CNTN6: variants seen among roughly 807,000 people sequenced by gnomAD.
CNTN6 encodes the protein contactin-6.
A neutral mutation model predicts 122.8 loss-of-function variants in CNTN6; 137 were observed. The observed-to-expected ratio is 1.12, with a 90% CI of 0.97 to 1.29. The LOEUF is 1.29. CNTN6 is among the 50% of genes most tolerant of loss of function. CNTN6 has a pLI of 0.00. For missense variants in CNTN6, 1,634 were observed against 1,223.4 expected (o/e 1.34, Z -5.01); for synonymous variants, 570 against 426.0 (o/e 1.34, Z -4.16).
At chr3:1,317,553 CTG>C (rs1186832560) in intron 7 of CNTN6, among the ~76,000 whole-genome samples, 1 of 151,782 alleles carries the variant, frequency 6.6e-6, no homozygotes, top group Non-Finnish European at 1.5e-5. Context: ...TTTCTTTCCT[CTG>C]TGTTAGTTTC....
chr3:1,214,536 C>T (rs1452747217), intron 2 of CNTN6, among the ~76,000 whole-genome samples: 1 of 151,768 alleles, frequency 6.6e-6, no homozygotes, highest in East Asian at 1.9e-4. Flanking sequence ...TCTCAAACTC[C>T]TAACCTCAGG....
At chr3:1,300,967 TAATC>T (rs1011962730) in intron 7 of CNTN6, among the ~76,000 whole-genome samples, 10 of 150,126 alleles carry the variant, frequency 6.7e-5, no homozygotes, top group Admixed American at 2.0e-4. Context: ...GTGATGGAAA[TAATC>T]AACGTATTAT....
At chr3:1,350,914 T>C (rs1223740102) in intron 11 of CNTN6, among the ~76,000 whole-genome samples, 2 of 151,934 alleles carry the variant, frequency 1.3e-5, no homozygotes, top group African/African-American at 4.8e-5. Flanking sequence ...TGGTGCATAA[T>C]AGAATAGTTT....
intron 4 of CNTN6, among the ~76,000 whole-genome samples, chr3:1,243,089 A>G (rs929841335): frequency 6.6e-6 from 1 of 152,198 alleles, no homozygotes; most frequent in South Asian, 2.1e-4. Flanking sequence ...TAAGCCGAGA[A>G]GATCTGGGAA....
intron 2 of CNTN6, among the ~76,000 whole-genome samples, chr3:1,158,801 TACACACATATATATAC>T (rs1458027798): frequency 6.8e-4 from 90 of 132,976 alleles, no homozygotes; most frequent in East Asian, 3.9e-3. Context: ...TGTATATATA[TACACACATATATATAC>T]ACACACATAT....
chr3:1,258,881 G>T (rs547072233), intron 4 of CNTN6, among the ~76,000 whole-genome samples: 1 of 152,092 alleles, frequency 6.6e-6, no homozygotes, highest in Non-Finnish European at 1.5e-5. Context: ...AAGGAGTGTT[G>T]GTTAAGAGAC....
At chr3:1,353,283 G>A (rs1705959925) in intron 12 of CNTN6, among the ~76,000 whole-genome samples, 1 of 151,640 alleles carries the variant, frequency 6.6e-6, no homozygotes, top group Non-Finnish European at 1.5e-5. Flanking sequence ...AGCATTTGGT[G>A]CTTTCTCATC....
intron 20 of CNTN6, among the ~76,000 whole-genome samples, chr3:1,388,481 C>T (rs1331764963): frequency 6.6e-6 from 1 of 151,604 alleles, no homozygotes; most frequent in Non-Finnish European, 1.5e-5. Flanking sequence ...AACAGAAAAA[C>T]TGGAAACTCT....
At chr3:1,295,521 A>G (rs1441409706) in intron 5 of CNTN6, 80 bp from the exon 6 acceptor site, 2 of 1,259,440 alleles carry the variant, frequency 1.6e-6, no homozygotes, top group Non-Finnish European at 2.2e-6. Flanking sequence ...GGGAAGTAAG[A>G]CAAAGAATTT....
chr3:1,157,688 A>G (rs772279768), intron 2 of CNTN6, among the ~76,000 whole-genome samples: 28 of 150,472 alleles, frequency 1.9e-4, no homozygotes, highest in Admixed American at 4.6e-4. Flanking sequence ...CCATCCTTCT[A>G]CTCTCTATCT....
rs188326346 is a variant in CNTN6 at position 1,349,963 on chromosome 3, G to A, written c.1365-2361G>A. On this transcript the variant is annotated intron_variant, in intron 11 of 22. Transcript: ENST00000446702. ...TAGATCAACAGAGAGAACTTTTAAAGTTTATTTTAATAAATCATAAATCAA... is the reference window on the plus strand; with the variant it reads ...TAGATCAACAGAGAGAACTTTTAAAATTTATTTTAATAAATCATAAATCAA... Among the ~76,000 whole-genome samples, 3 of 151,664 alleles carry A rather than the reference G, an allele frequency of 2.0e-5. No individual in the cohort carries two copies. In the East Asian group the frequency reaches 5.8e-4, roughly 29 times the overall value.
At chr3:1,113,761 C>G (rs1049704899) in intron 1 of CNTN6, among the ~76,000 whole-genome samples, 1 of 152,090 alleles carries the variant, frequency 6.6e-6, no homozygotes, top group Non-Finnish European at 1.5e-5. Context: ...AACTGAAGAC[C>G]TCTATTTAAT....
chr3:1,286,484 G>C (rs1694362635), intron 5 of CNTN6, among the ~76,000 whole-genome samples: 1 of 152,098 alleles, frequency 6.6e-6, no homozygotes, highest in Non-Finnish European at 1.5e-5. Flanking sequence ...TGCTGAAAAT[G>C]ATGGTTTCGA....
intron 2 of CNTN6, among the ~76,000 whole-genome samples, chr3:1,206,084 G>A (rs2093954065): frequency 2.6e-5 from 4 of 152,268 alleles, no homozygotes; most frequent in Non-Finnish European, 1.5e-5. Flanking sequence ...CAATCTGCAA[G>A]AGTACCTAAT....
intron 7 of CNTN6, among the ~76,000 whole-genome samples, chr3:1,321,113 C>A (rs1233372756): frequency 6.6e-6 from 1 of 151,460 alleles, no homozygotes; most frequent in African/African-American, 2.4e-5. Context: ...ATTTACCTCA[C>A]CCATCCCATG....
intron 1 of CNTN6, among the ~76,000 whole-genome samples, chr3:1,135,885 G>C (rs766247202): frequency 2.0e-5 from 3 of 152,014 alleles, no homozygotes; most frequent in African/African-American, 7.2e-5. Flanking sequence ...CCAGCTACTC[G>C]GGAGGCTAAG....
chr3:1,370,706 G>A (rs1708887741), intron 12 of CNTN6, among the ~76,000 whole-genome samples: 1 of 152,010 alleles, frequency 6.6e-6, no homozygotes, highest in African/African-American at 2.4e-5. Context: ...AAATTTACCT[G>A]GCATGGTGGT....
chr3:1,331,965 A>G (rs2126006138), intron 11 of CNTN6, among the ~76,000 whole-genome samples: 1 of 152,016 alleles, frequency 6.6e-6, no homozygotes, highest in Non-Finnish European at 1.5e-5. Flanking sequence ...TTTTCACCTC[A>G]CCACAGTTAC....
At chr3:1,399,392 G>A (rs934718600) in intron 20 of CNTN6, among the ~76,000 whole-genome samples, 12 of 152,044 alleles carry the variant, frequency 7.9e-5, no homozygotes, top group African/African-American at 2.4e-4. Flanking sequence ...TAAATATGTT[G>A]ATAAGCATTA....
Sources: gnomAD v4.1 joint callset for allele counts (sites outside exome capture counted in the v4.1 genomes callset) on GRCh38, gnomAD v4.1.1 for gene constraint, MANE v1.5 for transcripts, NCBI Gene and HGNC (gene_info 2026-07-23, HGNC 2026-07-21) for gene names.